Variants in SESTD1 observed in about 807,000 individuals in gnomAD.
The protein encoded by SESTD1 is SEC14 domain and spectrin repeat-containing protein 1.
In SESTD1, 43 loss-of-function variants were observed where a neutral mutation model predicts 101.7. That is an observed-to-expected ratio of 0.42 (90% CI 0.33 to 0.55). The LOEUF (loss-of-function observed/expected upper bound fraction) is 0.55. SESTD1 is among the 20% of genes least tolerant of loss of function. The pLI is 0.07. For synonymous variants in SESTD1, 283 were observed against 286.8 expected, an observed-to-expected ratio of 0.99 and a Z score of 0.13; for missense variants, 647 against 815.1, an observed-to-expected ratio of 0.79 and a Z score of 2.51.
At chr2:179,260,798 G>A (rs1439087837) in intron 1 of SESTD1, among the ~76,000 whole-genome samples, 1 of 152,116 alleles carries the variant, frequency 6.6e-6, no homozygotes, top group South Asian at 2.1e-4. Flanking sequence ...AATATGTGTA[G>A]TATAATCCCA....
intron 1 of SESTD1, among the ~76,000 whole-genome samples, chr2:179,261,752 AT>A (rs1251725000): frequency 6.6e-6 from 1 of 152,012 alleles, no homozygotes; most frequent in African/African-American, 2.4e-5. Flanking sequence ...ACCCTAGAAA[AT>A]GGAACCCTAC....
chr2:179,133,158 C>T (rs1395636922), intron 9 of SESTD1, among the ~76,000 whole-genome samples: 1 of 152,018 alleles, frequency 6.6e-6, no homozygotes, highest in Non-Finnish European at 1.5e-5. Context: ...AGGAGTTCTT[C>T]AGCTGAGTCC....
At chr2:179,220,533 C>T (rs912354785) in intron 1 of SESTD1, among the ~76,000 whole-genome samples, 3 of 152,140 alleles carry the variant, frequency 2.0e-5, no homozygotes, top group Non-Finnish European at 2.9e-5. Context: ...CTTAGATGAG[C>T]TCTCTACCTG....
intron 1 of SESTD1, among the ~76,000 whole-genome samples, chr2:179,256,010 T>C (rs1293192570): frequency 6.6e-6 from 1 of 151,848 alleles, no homozygotes; most frequent in Non-Finnish European, 1.5e-5. Flanking sequence ...TATTAAGACC[T>C]GCTGCTCAGA....
intron 3 of SESTD1, 62 bp from the exon 4 acceptor site, chr2:179,176,600 T>C (rs2046016616): frequency 7.3e-7 from 1 of 1,370,348 alleles, no homozygotes; most frequent in Non-Finnish European, 1.0e-6. Flanking sequence ...TTCATAATTC[T>C]AAATAAAGAA....
chr2:179,131,800 T>C (rs1305223988), intron 10 of SESTD1, among the ~76,000 whole-genome samples: 1 of 152,208 alleles, frequency 6.6e-6, no homozygotes, highest in Non-Finnish European at 1.5e-5. Context: ...TTTGTCTGAT[T>C]ACCCCTTTCA....
At chr2:179,133,918 C>T (rs180723902) in intron 9 of SESTD1, among the ~76,000 whole-genome samples, 131 of 151,732 alleles carry the variant, frequency 8.6e-4, no homozygotes, top group African/African-American at 3.1e-3. Flanking sequence ...AAATCAAGCA[C>T]AAAAAAATAA....
chr2:179,167,443 A>G (rs1410640380), intron 5 of SESTD1, among the ~76,000 whole-genome samples: 1 of 152,268 alleles, frequency 6.6e-6, no homozygotes, highest in Non-Finnish European at 1.5e-5. Flanking sequence ...GGAAACAGAA[A>G]AAGGGCAGAT....
At chr2:179,263,415 G>A (rs1047747181) in intron 1 of SESTD1, among the ~76,000 whole-genome samples, 3 of 152,142 alleles carry the variant, frequency 2.0e-5, no homozygotes, top group African/African-American at 7.2e-5. Flanking sequence ...GATTTAGCCA[G>A]CCAAAACAGA....
In SESTD1 at chr2:179,102,804, T is replaced by C. The variant is rs530099658; in HGVS notation, c.*7095A>G. ...TGGGTGGTATTGAATAAAGAGACAATATTGAAAATATTTTTAAACGCTAAA... is the reference window on the plus strand; with the variant it reads ...TGGGTGGTATTGAATAAAGAGACAACATTGAAAATATTTTTAAACGCTAAA... On this transcript the variant is annotated 3_prime_UTR_variant, in exon 18 of 18. Transcript: ENST00000428443. 6.6e-6 allele frequency: 1 copy of C among 152,042 alleles called. No individual in the cohort carries two copies. Among genetic ancestry groups the C allele is most frequent in the South Asian group, 2.1e-4 (1 of 4,820 alleles). The allele number at this position is 152,042 out of a possible 1,614,324, so 9.4% of individuals were successfully genotyped here. A position where few individuals can be genotyped will look rare whatever the true frequency, so the allele number is the denominator to read the frequency against.
intron 7 of SESTD1, among the ~76,000 whole-genome samples, chr2:179,147,033 T>C (rs1575442206): frequency 6.6e-6 from 1 of 151,646 alleles, no homozygotes; most frequent in Non-Finnish European, 1.5e-5. Flanking sequence ...AAAGAAAAGA[T>C]GAAGGAAAGA....
In SESTD1 at chr2:179,115,183, C is replaced by T. The variant is rs140312284; in HGVS notation, c.1721G>A (p.Arg574Gln). ...VLCQSLRCTS[R>Q]SSGDTLPRLN... ...TCGAGGAAGTGTATCCCCAGATGAC[C>T]GAGAAGTGCAGCGCAAAGATTGGCA... is the stretch of plus-strand genomic sequence containing the variant. The change falls in exon 16 of 18, where the codon CGG (arginine) becomes CAG (glutamine). Residue 574 changes from arginine to glutamine, a missense_variant. Physicochemically the swap from Arg to Gln is conservative, Grantham distance 43 (BLOSUM62 1). Transcript: ENST00000428443. 274 of 1,613,726 alleles carry T rather than the reference C, an allele frequency of 1.7e-4. No individual in the cohort carries two copies. The highest frequency in any genetic ancestry group is 4.2e-4 in the Admixed American group (25 of 59,958).
intron 1 of SESTD1, among the ~76,000 whole-genome samples, chr2:179,237,692 C>T (rs2047089428): frequency 6.6e-6 from 1 of 152,150 alleles, no homozygotes; most frequent in Non-Finnish European, 1.5e-5. Flanking sequence ...ATTTTCCAAA[C>T]TTGTAATATG....
intron 3 of SESTD1, among the ~76,000 whole-genome samples, chr2:179,178,999 C>A (rs545050731): frequency 7.9e-5 from 12 of 152,216 alleles, no homozygotes; most frequent in African/African-American, 2.9e-4. Context: ...CTTAGAAACA[C>A]GCTTAACTCT....
intron 7 of SESTD1, among the ~76,000 whole-genome samples, chr2:179,147,447 C>T (rs1196384268): frequency 2.0e-5 from 3 of 151,794 alleles, no homozygotes; most frequent in Non-Finnish European, 2.9e-5. Context: ...CTACAACCTC[C>T]GCCTCCCAGG....
chr2:179,143,707 G>T lies in SESTD1; in HGVS notation c.734C>A (p.Pro245Gln). Residue 245 changes from proline (P) to glutamine (Q), a missense_variant, in exon 9 of 18, where the codon CCA becomes CAA. Around this residue, in one of 3 missense-constraint regions of SESTD1, gnomAD observed 476 missense variants for 562.6 expected, o/e 0.85. Transcript: ENST00000428443. ...SPMDDELLAQ[P>Q]QVMKLLDSLR... ...TGAATCTAATAATTTCATAACCTGT[G>T]GCTGTGCAAGAAGTTCATCATCCAT... 1 of 1,613,952 alleles carries T rather than the reference G, an allele frequency of 6.2e-7. No individual in the cohort carries two copies. Among genetic ancestry groups the T allele is most frequent in the Non-Finnish European group, 8.5e-7 (1 of 1,179,924 alleles).
In SESTD1 at chr2:179,255,054, TTAATCAATACA is replaced by T. The variant is rs757409884; in HGVS notation, c.-26+9434_-26+9444del. Among the ~76,000 whole-genome samples the T allele has an allele frequency of 2.8e-4, 43 of 152,202 alleles. 1 individual carries two copies. Among genetic ancestry groups the T allele is most frequent in the Admixed American group, 4.6e-4 (7 of 15,284 alleles). ...ATCAAACCCATATAAGATGGCGAAC[TTAATCAATACA>T]TATTGTGTGTATTCTGACTGCTCCG... On this transcript the variant is annotated intron_variant, in intron 1 of 17. Coordinates refer to ENST00000428443, the MANE Select transcript of SESTD1 (RefSeq NM_178123.5).
At chr2:179,179,693 TTAA>T (rs2046074378) in intron 3 of SESTD1, among the ~76,000 whole-genome samples, 1 of 152,216 alleles carries the variant, frequency 6.6e-6, no homozygotes, top group Admixed American at 6.5e-5. Flanking sequence ...TGGAGTGCCT[TTAA>T]TAATGTTAGA....
chr2:179,109,145 CTTAT>C lies in SESTD1; in HGVS notation c.*750_*753del, dbSNP rs141672069. ...CAATAATTTTTCATGATAAAACATGCTTATTTATTATATACACATGCTTACATAT... is the reference window on the plus strand; with the variant it reads ...CAATAATTTTTCATGATAAAACATGCTTATTATATACACATGCTTACATAT... On this transcript the variant is annotated 3_prime_UTR_variant, in exon 18 of 18. Transcript: ENST00000428443. 0.016 allele frequency: 2,465 copies of C among 152,266 alleles called. 56 individuals carry two copies. The highest frequency in any genetic ancestry group is 0.053 in the African/African-American group (2,200 of 41,422). 9.4% of individuals were successfully genotyped at this position (152,266 alleles called of 1,614,324 possible).
Sources: allele counts gnomAD v4.1 joint callset (sites outside exome capture counted in the v4.1 genomes callset), GRCh38; gene constraint gnomAD v4.1.1; regional missense constraint gnomAD v4.1.1; transcripts MANE v1.5; gene names NCBI Gene and HGNC (gene_info 2026-07-23, HGNC 2026-07-21).